NDRG4: variants seen among roughly 807,000 people sequenced by gnomAD.
NDRG4 encodes the protein protein NDRG4.
Under a neutral mutation model 55.8 loss-of-function variants are expected in NDRG4, and 38 were observed. That is an observed-to-expected ratio of 0.68 (90% CI 0.53 to 0.89). NDRG4 has a LOEUF of 0.89. Among genes scored for constraint, NDRG4 ranks in the 40% least tolerant of loss-of-function variants. The probability of loss-of-function intolerance (pLI) is 0.00; values close to 1 mark genes in which losing one functional copy is unlikely to be tolerated. For synonymous variants in NDRG4, 190 were observed against 182.7 expected (o/e 1.04, Z -0.32); for missense variants, 455 against 468.6 (o/e 0.97, Z 0.27).
chr16:58,501,173 G>C, intron 1 of NDRG4: 2 of 786,822 alleles, frequency 2.5e-6, no homozygotes, highest in Non-Finnish European at 3.4e-6. Context: ...TTCCGCAGAC[G>C]ATAGGTCACC....
chr16:58,502,446 A>T (rs2037294080), intron 1 of NDRG4, among the ~76,000 whole-genome samples: 1 of 152,198 alleles, frequency 6.6e-6, no homozygotes, highest in Non-Finnish European at 1.5e-5. Context: ...CAAGTCAAAG[A>T]GTGTTCTCCA....
intron 1 of NDRG4, among the ~76,000 whole-genome samples, chr16:58,487,013 T>C (rs534923942): frequency 1.7e-3 from 251 of 144,228 alleles, no homozygotes; most frequent in African/African-American, 6.0e-3. Context: ...CTCTCAGCTC[T>C]GTTCCTCTCC....
chr16:58,492,919 T>C (rs2035970971), intron 2 of NDRG4, among the ~76,000 whole-genome samples: 1 of 151,740 alleles, frequency 6.6e-6, no homozygotes, highest in Admixed American at 6.6e-5. Context: ...CCCTCCTCCC[T>C]GCAGAGCCAC....
Position 58,464,206 on chromosome 16 carries a change from T to G in NDRG4, c.-24+409T>G. 1 of 389,794 alleles carries G rather than the reference T, an allele frequency of 2.6e-6. No homozygotes were observed. The allele number at this position is 389,794 out of a possible 1,614,324, so 24.1% of individuals were successfully genotyped here. A position where few individuals can be genotyped will look rare whatever the true frequency, so the allele number is the denominator to read the frequency against. On this transcript the variant is annotated intron_variant, in intron 1 of 15. Transcript: ENST00000258187. This position sits in a 1 kb window ranked among gnomAD's most constrained non-coding sequence, Gnocchi z 4.8. Reference sequence around the variant, plus strand: ...GGACCAGGTGGCGGCGGGTGCCTTTTTGGGGGTGCGCGGCCATGCAATTGG... The same window carrying G: ...GGACCAGGTGGCGGCGGGTGCCTTTGTGGGGGTGCGCGGCCATGCAATTGG...
At chr16:58,497,986 C>T (rs77461143), upstream of NDRG4, among the ~76,000 whole-genome samples, 2,211 of 152,188 alleles carry the variant, frequency 0.015, 53 homozygotes, top group African/African-American at 0.049. Context: ...CAAGGTCACC[C>T]GGCTGGTAGG....
At chr16:58,480,611 A>C (rs1164470051) in intron 1 of NDRG4, among the ~76,000 whole-genome samples, 7 of 152,138 alleles carry the variant, frequency 4.6e-5, no homozygotes, top group Non-Finnish European at 1.0e-4. Flanking sequence ...GTGCTTTCCT[A>C]TGGCTTCTGT....
chr16:58,465,006 C>T, intron 1 of NDRG4: 1 of 1,233,888 alleles, frequency 8.1e-7, no homozygotes, highest in Non-Finnish European at 1.0e-6. Context: ...GATCAGTTGC[C>T]CTGCTGGAAA....
intron 1 of NDRG4, among the ~76,000 whole-genome samples, chr16:58,473,932 C>T (rs912688239): frequency 6.6e-6 from 1 of 151,990 alleles, no homozygotes; most frequent in Non-Finnish European, 1.5e-5. Context: ...TGAACGGGAC[C>T]AGCACTCCAA....
chr16:58,502,247 G>C, intron 1 of NDRG4: 1 of 341,714 alleles, frequency 2.9e-6, no homozygotes, highest in South Asian at 2.2e-5. Flanking sequence ...CAGTGGCGGG[G>C]AAGTGTTCCT....
intron 1 of NDRG4, among the ~76,000 whole-genome samples, chr16:58,473,072 G>T (rs574569335): frequency 6.6e-6 from 1 of 152,182 alleles, no homozygotes; most frequent in Non-Finnish European, 1.5e-5. Context: ...TCCTCCCAAG[G>T]TTCTGAAGTA....
At position 58,511,501 on chromosome 16, in the gene NDRG4, C is replaced by T; in HGVS notation, c.984C>T (p.Arg328=). 1 of 1,612,940 alleles carries T rather than the reference C, an allele frequency of 6.2e-7. No homozygotes were observed. The highest frequency in any genetic ancestry group is 8.5e-7 in the Non-Finnish European group (1 of 1,179,954). ...LTSASSVDGS[R]PQACTHSESS... is the part of the protein sequence containing the mutation. ...GTGCCAGCTCGGTGGATGGCAGCCGCCCACAGGCCTGCACCCACTCAGAGA... is the reference window on the plus strand; with the variant it reads ...GTGCCAGCTCGGTGGATGGCAGCCGTCCACAGGCCTGCACCCACTCAGAGA... The change falls in exon 15 of 15, where the codon CGC becomes CGT. Residue 328 remains arginine, a synonymous_variant. Coordinates refer to ENST00000570248, the MANE Select transcript of NDRG4 (RefSeq NM_001242835.2).
rs1372552505 is a variant in NDRG4, at chr16:58,509,181, G to C, written c.805G>C (p.Val269Leu). 6.2e-7 allele frequency: 1 copy of C among 1,614,036 alleles called. No homozygotes were observed. Among genetic ancestry groups the C allele is most frequent in the African/African-American group, 1.3e-5 (1 of 75,060 alleles). Residue 269 changes from valine to leucine, a missense_variant, in exon 12 of 15, where the codon GTC becomes CTC. Transcript: ENST00000570248. The part of the protein sequence containing the change: ...KMADSGGLPQ[V>L]TQPGKLTEAF... ...GGCAGACTCTGGAGGGCTGCCCCAGGTCACACAGGTGAGACTTTTGGCCCT... is the reference window on the plus strand; with the variant it reads ...GGCAGACTCTGGAGGGCTGCCCCAGCTCACACAGGTGAGACTTTTGGCCCT...
Position 58,464,659 on chromosome 16 carries a change from C to T in NDRG4, c.-24+862C>T. On this transcript the variant is annotated intron_variant, in intron 1 of 15. Transcript: ENST00000258187. The surrounding 1 kb of genome is among the most constrained non-coding windows in gnomAD (Gnocchi z 4.8). ...AGAGGACTTGAGGTTGTGGCGAGTC[C>T]CTGGCGCTGGCGTCCGGGCTGCGGG... The T allele has an allele frequency of 2.0e-6, 2 of 1,016,622 alleles. No individual in the cohort carries two copies. The highest frequency in any genetic ancestry group is 2.6e-6 in the Non-Finnish European group (2 of 778,032). 63.0% of individuals were successfully genotyped at this position (1,016,622 alleles called of 1,614,324 possible).
At chr16:58,479,109 A>G (rs566211879) in intron 1 of NDRG4, among the ~76,000 whole-genome samples, 2 of 152,214 alleles carry the variant, frequency 1.3e-5, no homozygotes, top group Admixed American at 6.5e-5. Context: ...GCTCACTGCA[A>G]TCTTCGCCTC....
rs549496110 is a variant in NDRG4, at chr16:58,466,166, G to A, written c.-24+2369G>A. On this transcript the variant is annotated intron_variant, in intron 1 of 15. Transcript: ENST00000258187. Reference sequence around the variant, plus strand: ...CAAGTAGCTGGGATTACAGGCACGCGCCACCATGCATGCCTAATTTTTGTA... The same window carrying A: ...CAAGTAGCTGGGATTACAGGCACGCACCACCATGCATGCCTAATTTTTGTA... 8.5e-4 allele frequency among the ~76,000 whole-genome samples: 129 copies of A among 152,310 alleles called. 1 individual carries two copies. The highest frequency in any genetic ancestry group is 6.8e-3 in the Middle Eastern group (2 of 294).
At chr16:58,496,234 G>C (rs2036395504), upstream of NDRG4, among the ~76,000 whole-genome samples, 1 of 152,030 alleles carries the variant, frequency 6.6e-6, no homozygotes, top group South Asian at 2.1e-4. Context: ...CATACCTCTG[G>C]GTTCCCAACT....
chr16:58,509,564 TCC>T (rs2038510643), intron 13 of NDRG4, among the ~76,000 whole-genome samples: 1 of 152,094 alleles, frequency 6.6e-6, no homozygotes, highest in Admixed American at 6.5e-5. Flanking sequence ...TGTGCCCAAC[TCC>T]CCTTTGCCCT....
chr16:58,496,137 A>T (rs1257721357), upstream of NDRG4, among the ~76,000 whole-genome samples: 2 of 152,190 alleles, frequency 1.3e-5, no homozygotes, highest in Admixed American at 6.5e-5. Flanking sequence ...GGCCGACGCC[A>T]ACAGTGCTGA....
chr16:58,467,088 A>G (rs1189928331), intron 1 of NDRG4, among the ~76,000 whole-genome samples: 1 of 152,252 alleles, frequency 6.6e-6, no homozygotes, highest in Non-Finnish European at 1.5e-5. Context: ...CAAATGCTCA[A>G]GGGTTGCTGA....
Sources: gnomAD v4.1 joint callset for allele counts (sites outside exome capture counted in the v4.1 genomes callset) on GRCh38, gnomAD v4.1.1 for gene constraint, Gnocchi (gnomAD v3.1) non-coding constraint, MANE v1.5 for transcripts, NCBI Gene and HGNC (gene_info 2026-07-23, HGNC 2026-07-21) for gene names.